The following SLC9C2 variants were observed in gnomAD, a reference collection of about 807,000 sequenced individuals.
SLC9C2 encodes sodium/hydrogen exchanger 11.
SLC9C2 carries 75 observed loss-of-function variants against 140.2 expected under a neutral mutation model. The ratio of observed to expected loss-of-function variants is 0.53; its 90% CI spans 0.44 to 0.65. The LOEUF (loss-of-function observed/expected upper bound fraction) is 0.65. Ranked by LOEUF, SLC9C2 falls within the 30% of genes least tolerant of loss-of-function variation. The pLI, the probability that SLC9C2 is intolerant of heterozygous loss-of-function variation, is 0.00. For missense variants in SLC9C2, 1,074 were observed against 1,331.8 expected, an observed-to-expected ratio of 0.81 and a Z score of 3.01; for synonymous variants, 375 against 420.9, an observed-to-expected ratio of 0.89 and a Z score of 1.34.
intron 11 of SLC9C2, among the ~76,000 whole-genome samples, chr1:173,550,453 T>TTTATTTA (rs1553253736): frequency 1.4e-5 from 2 of 138,766 alleles, no homozygotes; most frequent in African/African-American, 6.3e-5. Context: ...TATTTATTTA[T>TTTATTTA]TTTTGAGGAG....
rs60721581 is a variant in SLC9C2, at chr1:173,580,355, CT to C, written c.802+1491del. On this transcript the variant is annotated intron_variant, in intron 7 of 27. Coordinates refer to ENST00000367714, the MANE Select transcript of SLC9C2 (RefSeq NM_178527.4). ...CCTTAATACATTAGGTGATATAACA[CT>C]TTTTTTTTTTTTTGAGGCAGAGTCT... 3.4e-3 allele frequency among the ~76,000 whole-genome samples: 501 copies of C among 146,202 alleles called. 2 individuals are homozygous for C. The highest frequency in any genetic ancestry group is 4.8e-3 in the Non-Finnish European group (320 of 66,082).
intron 11 of SLC9C2, among the ~76,000 whole-genome samples, chr1:173,552,644 G>T (rs2102078451): frequency 6.6e-6 from 1 of 152,196 alleles, no homozygotes; most frequent in South Asian, 2.1e-4. Flanking sequence ...TTATAGCATG[G>T]TTTACTAAAT....
chr1:173,595,350 G>C (rs1666386472), intron 4 of SLC9C2, among the ~76,000 whole-genome samples: 2 of 152,074 alleles, frequency 1.3e-5, no homozygotes, highest in Non-Finnish European at 1.5e-5. Flanking sequence ...GAGGGCTCCA[G>C]GCAGAAAGAG....
At chr1:173,530,569 A>C (rs140148931) in intron 17 of SLC9C2, among the ~76,000 whole-genome samples, 27 of 152,336 alleles carry the variant, frequency 1.8e-4, no homozygotes, top group South Asian at 6.2e-4. Flanking sequence ...TCATGACTTA[A>C]GAGAATGGGA....
chr1:173,599,361 G>GTTTTTTTTTT (rs1558103752), intron 3 of SLC9C2, among the ~76,000 whole-genome samples: 1 of 50,424 alleles, frequency 2.0e-5, no homozygotes, highest in African/African-American at 7.5e-5. Flanking sequence ...CATTTTCCTT[G>GTTTTTTTTTT]ATTTTTTTTT....
intron 22 of SLC9C2, among the ~76,000 whole-genome samples, chr1:173,518,010 C>T (rs1660540702): frequency 6.6e-6 from 1 of 152,164 alleles, no homozygotes; most frequent in Non-Finnish European, 1.5e-5. Context: ...CCTGTAATCC[C>T]AGCACTTTGG....
chr1:173,515,593 T>G (rs529568792), intron 23 of SLC9C2, among the ~76,000 whole-genome samples: 3 of 152,196 alleles, frequency 2.0e-5, no homozygotes, highest in Non-Finnish European at 4.4e-5. Context: ...CTTCTTTAGA[T>G]TCGGTTTGAA....
intron 18 of SLC9C2, among the ~76,000 whole-genome samples, chr1:173,529,532 T>C (rs1253730238): frequency 6.6e-6 from 1 of 151,782 alleles, no homozygotes; most frequent in East Asian, 1.9e-4. Flanking sequence ...TTTTCCTCTC[T>C]TCCTCTTCAC....
chr1:173,503,548 G>A (rs549925475), intron 26 of SLC9C2, among the ~76,000 whole-genome samples: 29 of 152,238 alleles, frequency 1.9e-4, no homozygotes, highest in African/African-American at 3.1e-4. Flanking sequence ...GGCAGATCAC[G>A]TAAACAGTTG....
intron 26 of SLC9C2, among the ~76,000 whole-genome samples, chr1:173,503,882 G>T (rs1439837577): frequency 1.3e-5 from 2 of 152,212 alleles, no homozygotes; most frequent in Non-Finnish European, 2.9e-5. Flanking sequence ...AATACAAAGT[G>T]ATGTGTTTCC....
intron 9 of SLC9C2, among the ~76,000 whole-genome samples, chr1:173,564,422 G>A (rs1664315190): frequency 6.6e-6 from 1 of 152,134 alleles, no homozygotes; most frequent in African/African-American, 2.4e-5. Context: ...ATATCTTACT[G>A]TAGTTTTGAG....
chr1:173,562,685 C>A (rs1323338962), intron 9 of SLC9C2, among the ~76,000 whole-genome samples: 1 of 152,136 alleles, frequency 6.6e-6, no homozygotes, highest in Non-Finnish European at 1.5e-5. Context: ...CAGAAATCTG[C>A]ACGTATTTAG....
rs541248394 is a variant in SLC9C2 at position 173,532,411 on chromosome 1, G to C, written c.2163+1198C>G. On this transcript the variant is annotated intron_variant, in intron 17 of 27. Coordinates refer to ENST00000367714, the MANE Select transcript of SLC9C2 (RefSeq NM_178527.4). ...ATGTAATGCAACTCCATTGGAAAGA[G>C]AGAAAGGAGGTTTAAGAATTGAAAC... Among the ~76,000 whole-genome samples the C allele has an allele frequency of 1.1e-3, 174 of 152,288 alleles. 1 individual carries two copies. Among genetic ancestry groups the C allele is most frequent in the African/African-American group, 3.8e-3 (158 of 41,562 alleles).
chr1:173,592,313 C>T (rs959809667), intron 4 of SLC9C2, among the ~76,000 whole-genome samples: 3 of 152,152 alleles, frequency 2.0e-5, no homozygotes, highest in African/African-American at 2.4e-5. Context: ...CAGCTTTGTT[C>T]TTTTTGCTTA....
Position 173,588,042 on chromosome 1 carries a change from C to T in SLC9C2, c.358-212G>A, listed in dbSNP as rs117872917. Among the ~76,000 whole-genome samples the T allele has an allele frequency of 2.8e-4, 43 of 152,318 alleles. No individual in the cohort carries two copies. The East Asian group carries it at 8.1e-3, about 29-fold the overall frequency. On this transcript the variant is annotated intron_variant, in intron 4 of 27. Transcript: ENST00000367714. ...TCTACCTTATTATTAAAAAGACTGA[C>T]TCAACTATCTTTCTTGTTGTTATTC...
intron 4 of SLC9C2, among the ~76,000 whole-genome samples, chr1:173,595,057 G>A (rs1257505602): frequency 6.6e-6 from 1 of 152,086 alleles, no homozygotes; most frequent in Non-Finnish European, 1.5e-5. Context: ...ATGCCACCAT[G>A]CCTGGCTAAT....
rs1393909471 is a variant in SLC9C2, at chr1:173,509,194, A to C, written c.3039+374T>G. Among the ~76,000 whole-genome samples, 5 of 152,178 alleles carry C rather than the reference A, an allele frequency of 3.3e-5. 1 individual carries two copies. Among genetic ancestry groups the C allele is most frequent in the Admixed American group, 3.3e-4 (5 of 15,264 alleles). On this transcript the variant is annotated intron_variant, in intron 24 of 27. Transcript: ENST00000367714. The stretch of plus-strand genomic sequence containing the variant: ...CACAGTGGCTCACGCCTATAATCCC[A>C]GCACTTTGGGAGGCCGAGGTGAGTA...
chr1:173,546,104 T>C (rs904289584), intron 13 of SLC9C2, among the ~76,000 whole-genome samples: 5 of 152,216 alleles, frequency 3.3e-5, no homozygotes, highest in Non-Finnish European at 5.9e-5. Flanking sequence ...ATACCACTTT[T>C]TAATAGGAGG....
At chr1:173,530,262 G>A (rs772555458) in intron 17 of SLC9C2, among the ~76,000 whole-genome samples, 1 of 152,162 alleles carries the variant, frequency 6.6e-6, no homozygotes, top group Non-Finnish European at 1.5e-5. Flanking sequence ...TAGCAAGTCT[G>A]CCAGGTGATT....
Sources: allele counts gnomAD v4.1 joint callset (sites outside exome capture counted in the v4.1 genomes callset), GRCh38; gene constraint gnomAD v4.1.1; transcripts MANE v1.5; gene names NCBI Gene and HGNC (gene_info 2026-07-23, HGNC 2026-07-21).